The following ROBO2 variants were observed in gnomAD, a reference collection of about 807,000 sequenced individuals.
ROBO2 encodes the protein roundabout homolog 2.
Under a neutral mutation model 160.8 loss-of-function variants are expected in ROBO2, and 53 were observed. The observed-to-expected ratio is 0.33, with a 90% CI of 0.26 to 0.41. ROBO2 has a LOEUF of 0.41. ROBO2 is among the 10% of genes least tolerant of loss of function. The probability of loss-of-function intolerance (pLI) is 1.00; values close to 1 mark genes in which losing one functional copy is unlikely to be tolerated. For synonymous variants in ROBO2, 664 were observed against 611.7 expected (o/e 1.09, Z -1.26); for missense variants, 1,577 against 1,722.4 (o/e 0.92, Z 1.49).
chr3:76,003,043 T>TA (rs1171373728), intron 2 of ROBO2, among the ~76,000 whole-genome samples: 1 of 152,202 alleles, frequency 6.6e-6, no homozygotes, highest in African/African-American at 2.4e-5. Context: ...TGGAGGTTTT[T>TA]AGAAGGCATT....
At chr3:76,797,113 C>T (rs776964243) in intron 2 of ROBO2, among the ~76,000 whole-genome samples, 17 of 152,052 alleles carry the variant, frequency 1.1e-4, no homozygotes, top group East Asian at 3.9e-4. Context: ...CAGATATGTA[C>T]GGAACATTTC....
At chr3:76,860,227 G>A (rs943896700) in intron 2 of ROBO2, among the ~76,000 whole-genome samples, 1 of 152,026 alleles carries the variant, frequency 6.6e-6, no homozygotes, top group African/African-American at 2.4e-5. Flanking sequence ...TACCCCCGAC[G>A]GCTTTCTGTT....
At chr3:76,934,406 A>C (rs572101705) in intron 2 of ROBO2, among the ~76,000 whole-genome samples, 1 of 152,140 alleles carries the variant, frequency 6.6e-6, no homozygotes, top group South Asian at 2.1e-4. Context: ...TACAAGAGTA[A>C]AATGTTAATT....
At chr3:76,187,314 G>A (rs576156642) in intron 2 of ROBO2, among the ~76,000 whole-genome samples, 6 of 152,118 alleles carry the variant, frequency 3.9e-5, no homozygotes, top group Admixed American at 2.6e-4. Flanking sequence ...TTAGTCTGTT[G>A]CCCAGGCTGG....
chr3:76,083,373 G>T (rs532392543), intron 2 of ROBO2, among the ~76,000 whole-genome samples: 208 of 152,192 alleles, frequency 1.4e-3, no homozygotes, highest in African/African-American at 3.4e-3. Context: ...TTTAAAATGA[G>T]AGTTAAGGTT....
chr3:76,031,323 A>C (rs751929019), intron 2 of ROBO2, among the ~76,000 whole-genome samples: 4 of 152,090 alleles, frequency 2.6e-5, no homozygotes, highest in Non-Finnish European at 4.4e-5. Context: ...GACAATTTGA[A>C]TTCCTCTTTT....
At chr3:76,277,181 T>C (rs1382369188) in intron 2 of ROBO2, among the ~76,000 whole-genome samples, 4 of 151,944 alleles carry the variant, frequency 2.6e-5, no homozygotes, top group Admixed American at 6.6e-5. Context: ...CTCTTATTCA[T>C]ACATAAGCAC....
chr3:76,582,042 G>A (rs1264744499), intron 2 of ROBO2, among the ~76,000 whole-genome samples: 1 of 152,090 alleles, frequency 6.6e-6, no homozygotes, highest in Admixed American at 6.5e-5. Context: ...CATGAAGAGG[G>A]TCAAAAGTGA....
At chr3:76,475,565 A>G (rs146352780) in intron 2 of ROBO2, among the ~76,000 whole-genome samples, 37 of 150,774 alleles carry the variant, frequency 2.5e-4, no homozygotes, top group African/African-American at 8.8e-4. Flanking sequence ...AAAAATTTCA[A>G]CTAGATAGTA....
chr3:76,029,001 T>C (rs2066831742), intron 2 of ROBO2, among the ~76,000 whole-genome samples: 1 of 152,008 alleles, frequency 6.6e-6, no homozygotes, highest in Non-Finnish European at 1.5e-5. Flanking sequence ...CCACTTTTCT[T>C]GTTATGCAAA....
At chr3:76,379,532 A>G (rs138449386) in intron 2 of ROBO2, among the ~76,000 whole-genome samples, 3 of 152,288 alleles carry the variant, frequency 2.0e-5, no homozygotes, top group African/African-American at 7.2e-5. Context: ...ATTCACCAAA[A>G]TGATACCATG....
At chr3:77,640,382 CGATT>C (rs1347120089) in intron 24 of ROBO2, among the ~76,000 whole-genome samples, 1 of 151,970 alleles carries the variant, frequency 6.6e-6, no homozygotes, top group East Asian at 1.9e-4. Flanking sequence ...CAAAGTGCTG[CGATT>C]TACAGGCGTG....
At chr3:76,403,398 A>C (rs1208675450) in intron 2 of ROBO2, among the ~76,000 whole-genome samples, 1 of 151,640 alleles carries the variant, frequency 6.6e-6, no homozygotes, top group African/African-American at 2.4e-5. Context: ...ATTTTTAAAA[A>C]CCATTTACCA....
At chr3:76,945,974 T>A (rs545103647) in intron 2 of ROBO2, among the ~76,000 whole-genome samples, 2 of 152,356 alleles carry the variant, frequency 1.3e-5, no homozygotes, top group African/African-American at 4.8e-5. Flanking sequence ...TTTTGTTGCA[T>A]GCCTTTTAAT....
At chr3:76,197,140 C>A (rs1034132614) in intron 2 of ROBO2, among the ~76,000 whole-genome samples, 3 of 150,850 alleles carry the variant, frequency 2.0e-5, no homozygotes, top group Non-Finnish European at 4.4e-5. Context: ...AGATTTGGAT[C>A]TGGGACTGCC....
chr3:75,951,662 G>A (rs1948539974), intron 2 of ROBO2, among the ~76,000 whole-genome samples: 1 of 151,956 alleles, frequency 6.6e-6, no homozygotes, highest in Admixed American at 6.6e-5. Context: ...TTTAAAACAA[G>A]TTACTAACAA....
intron 2 of ROBO2, among the ~76,000 whole-genome samples, chr3:77,421,689 C>T (rs1178415239): frequency 6.6e-6 from 1 of 151,928 alleles, no homozygotes; most frequent in Non-Finnish European, 1.5e-5. Flanking sequence ...TTAAAAACTC[C>T]ATAAACATGT....
rs530415470 is a variant in ROBO2, at chr3:76,529,458, A to G, written c.110-568556A>G. 7.2e-5 allele frequency among the ~76,000 whole-genome samples: 11 copies of G among 152,248 alleles called. 2 individuals are homozygous for G. In the South Asian group the frequency reaches 2.3e-3, roughly 32 times the overall value. On this transcript the variant is annotated intron_variant, in intron 2 of 26. Transcript: ENST00000487694. ...TTCTCTTTCTAAAAACAAGATAACAATAATAATGATGACAATAAGAATAAC... is the reference window on the plus strand; with the variant it reads ...TTCTCTTTCTAAAAACAAGATAACAGTAATAATGATGACAATAAGAATAAC...
At chr3:76,820,249 A>G (rs2066000857) in intron 2 of ROBO2, among the ~76,000 whole-genome samples, 1 of 152,104 alleles carries the variant, frequency 6.6e-6, no homozygotes, top group Non-Finnish European at 1.5e-5. Context: ...ATTGCCACAC[A>G]GATGAACACG....
Sources: allele counts gnomAD v4.1 joint callset (sites outside exome capture counted in the v4.1 genomes callset), GRCh38; gene constraint gnomAD v4.1.1; transcripts MANE v1.5; gene names NCBI Gene and HGNC (gene_info 2026-07-23, HGNC 2026-07-21).